Variants in SCFD2 observed in about 807,000 individuals in gnomAD.
SCFD2 encodes the protein sec1 family domain containing 2, also known as sec1 family domain-containing protein 2.
In SCFD2, 54 loss-of-function variants were observed where a neutral mutation model predicts 58.9. The observed-to-expected ratio is 0.92, with a 90% CI of 0.74 to 1.15. SCFD2 has a LOEUF of 1.15. Ranked by LOEUF, SCFD2 falls within the 50% of genes most tolerant of loss-of-function variation. The probability of loss-of-function intolerance (pLI) is 0.00; values close to 1 mark genes in which losing one functional copy is unlikely to be tolerated. For missense variants in SCFD2, 805 were observed against 836.6 expected, an observed-to-expected ratio of 0.96 and a Z score of 0.47; for synonymous variants, 321 against 335.9, an observed-to-expected ratio of 0.96 and a Z score of 0.49.
chr4:53,140,557 A>T (rs1467878285), intron 5 of SCFD2, among the ~76,000 whole-genome samples: 1 of 151,908 alleles, frequency 6.6e-6, no homozygotes, highest in Non-Finnish European at 1.5e-5. Flanking sequence ...CAATGCAGAA[A>T]CTAAAGAGGA....
At chr4:53,335,743 CA>C (rs1023289926) in intron 2 of SCFD2, among the ~76,000 whole-genome samples, 1 of 151,086 alleles carries the variant, frequency 6.6e-6, no homozygotes, top group African/African-American at 2.4e-5. Context: ...TCAATCAATT[CA>C]AAAAAAATAC....
intron 5 of SCFD2, among the ~76,000 whole-genome samples, chr4:53,058,479 T>C (rs1723414159): frequency 6.6e-6 from 1 of 152,130 alleles, no homozygotes; most frequent in Non-Finnish European, 1.5e-5. Context: ...CCAAAGTCCA[T>C]ATAGCAGTGG....
At chr4:53,058,351 G>A (rs9312636) in intron 5 of SCFD2, among the ~76,000 whole-genome samples, 32,582 of 151,844 alleles carry the variant, frequency 0.21, 3,755 homozygotes, top group Non-Finnish European at 0.26. Flanking sequence ...TAAAACAAAA[G>A]TATGTTTTTA....
At chr4:53,263,971 A>G (rs1730905540) in intron 4 of SCFD2, among the ~76,000 whole-genome samples, 1 of 152,148 alleles carries the variant, frequency 6.6e-6, no homozygotes, top group South Asian at 2.1e-4. Context: ...GGCTTGCTGC[A>G]GCTACTGTGG....
At chr4:53,050,354 A>G (rs1393994590) in intron 5 of SCFD2, among the ~76,000 whole-genome samples, 1 of 152,228 alleles carries the variant, frequency 6.6e-6, no homozygotes, top group Non-Finnish European at 1.5e-5. Context: ...AAACCTCACC[A>G]GCAACAGTCT....
intron 4 of SCFD2, among the ~76,000 whole-genome samples, chr4:53,162,382 A>C (rs1329675611): frequency 6.6e-6 from 1 of 152,196 alleles, no homozygotes; most frequent in African/African-American, 2.4e-5. Context: ...CCACAGAACA[A>C]AGCAAAAGTC....
chr4:53,061,307 C>G (rs987423466), intron 5 of SCFD2, among the ~76,000 whole-genome samples: 4 of 152,152 alleles, frequency 2.6e-5, no homozygotes, highest in Non-Finnish European at 5.9e-5. Flanking sequence ...TCCACTGGCT[C>G]TTCTCACGGA....
intron 5 of SCFD2, among the ~76,000 whole-genome samples, chr4:52,961,796 C>T (rs998031776): frequency 1.3e-5 from 2 of 152,200 alleles, no homozygotes; most frequent in South Asian, 2.1e-4. Flanking sequence ...AGGTTACTTT[C>T]AGCCTGCAGA....
intron 2 of SCFD2, among the ~76,000 whole-genome samples, chr4:53,333,545 A>C (rs1259011183): frequency 2.0e-5 from 3 of 151,638 alleles, no homozygotes; most frequent in Non-Finnish European, 4.4e-5. Flanking sequence ...CTGGCTAGCC[A>C]TATGTAGAAA....
intron 4 of SCFD2, among the ~76,000 whole-genome samples, chr4:53,245,021 C>T (rs1346341699): frequency 6.6e-6 from 1 of 151,754 alleles, no homozygotes; most frequent in Non-Finnish European, 1.5e-5. Context: ...AATAGAAAAA[C>T]TCCTGGACAC....
At chr4:53,341,309 T>A (rs1213871155) in intron 2 of SCFD2, among the ~76,000 whole-genome samples, 1 of 152,126 alleles carries the variant, frequency 6.6e-6, no homozygotes, top group Non-Finnish European at 1.5e-5. Flanking sequence ...ATATGACACA[T>A]GCACAAGCTT....
chr4:52,919,934 A>T (rs1235661004), intron 6 of SCFD2, among the ~76,000 whole-genome samples: 1 of 152,234 alleles, frequency 6.6e-6, no homozygotes, highest in Non-Finnish European at 1.5e-5. Context: ...ATTTTACTAA[A>T]GGTTTTATGG....
intron 4 of SCFD2, among the ~76,000 whole-genome samples, chr4:53,195,594 T>G (rs938969832): frequency 6.6e-6 from 1 of 152,144 alleles, no homozygotes; most frequent in African/African-American, 2.4e-5. Flanking sequence ...TAAGGTGCAT[T>G]TAAAATAAGC....
chr4:53,352,859 A>G, intron 1 of SCFD2, 93 bp from the exon 2 acceptor site: 5 of 1,107,180 alleles, frequency 4.5e-6, no homozygotes, highest in Non-Finnish European at 6.6e-6. Context: ...ATCAAAAATA[A>G]CATACATTTT....
At chr4:53,130,666 A>G (rs1268656587) in intron 5 of SCFD2, among the ~76,000 whole-genome samples, 1 of 152,206 alleles carries the variant, frequency 6.6e-6, no homozygotes, top group Non-Finnish European at 1.5e-5. Flanking sequence ...AAGTGACTGA[A>G]GGTCAGTCAG....
At chr4:52,897,315 T>C (rs1719048688) in intron 7 of SCFD2, among the ~76,000 whole-genome samples, 1 of 152,248 alleles carries the variant, frequency 6.6e-6, no homozygotes, top group African/African-American at 2.4e-5. Context: ...GCTCTTATTA[T>C]TTTGAGAAAC....
intron 5 of SCFD2, among the ~76,000 whole-genome samples, chr4:53,013,704 C>G (rs984159880): frequency 6.6e-6 from 1 of 152,142 alleles, no homozygotes; most frequent in African/African-American, 2.4e-5. Context: ...CTGGAACGTC[C>G]TCTGAGATCA....
intron 4 of SCFD2, among the ~76,000 whole-genome samples, chr4:53,228,717 G>A (rs572751836): frequency 6.6e-6 from 1 of 152,210 alleles, no homozygotes; most frequent in South Asian, 2.1e-4. Flanking sequence ...GCACAAGACA[G>A]GGATGCCCTC....
chr4:53,002,629 T>C lies in SCFD2; in HGVS notation c.1562-81759A>G, dbSNP rs78891300. The stretch of plus-strand genomic sequence containing the variant: ...CAGTTTTAGGCAATGGGTATAAGGA[T>C]ATGGGCAAAGAAAAGACAATCCCTG... On this transcript the variant is annotated intron_variant, in intron 5 of 8. Coordinates refer to ENST00000401642, the MANE Select transcript of SCFD2 (RefSeq NM_152540.4). 4.5e-3 allele frequency among the ~76,000 whole-genome samples: 681 copies of C among 152,244 alleles called. 27 individuals carry two copies. In the East Asian group the frequency reaches 0.12, roughly 26 times the overall value.
Sources: gnomAD v4.1 joint callset for allele counts (sites outside exome capture counted in the v4.1 genomes callset) on GRCh38, gnomAD v4.1.1 for gene constraint, MANE v1.5 for transcripts, NCBI Gene and HGNC (gene_info 2026-07-23, HGNC 2026-07-21) for gene names.